The following KIAA1217 variants were observed in gnomAD, a reference collection of about 807,000 sequenced individuals.
KIAA1217 encodes the protein sickle tail protein homolog.
Under a neutral mutation model 163.9 loss-of-function variants are expected in KIAA1217, and 88 were observed. The observed-to-expected ratio is 0.54, with a 90% CI of 0.45 to 0.64. KIAA1217 has a LOEUF of 0.64. KIAA1217 is among the 30% of genes least tolerant of loss of function. KIAA1217 has a pLI of 0.00. For synonymous variants in KIAA1217, 903 were observed against 923.1 expected, an observed-to-expected ratio of 0.98 and a Z score of 0.39; for missense variants, 2,372 against 2,475.0, an observed-to-expected ratio of 0.96 and a Z score of 0.88.
intron 1 of KIAA1217, among the ~76,000 whole-genome samples, chr10:23,823,621 T>A (rs998134707): frequency 6.6e-6 from 1 of 152,164 alleles, no homozygotes; most frequent in African/African-American, 2.4e-5. Flanking sequence ...AGGGCGTGGA[T>A]ATGTTTGGCA....
At chr10:24,157,267 G>T (rs1313959065) in intron 2 of KIAA1217, among the ~76,000 whole-genome samples, 3 of 152,042 alleles carry the variant, frequency 2.0e-5, no homozygotes, top group Non-Finnish European at 4.4e-5. Context: ...AATATTTTTT[G>T]TGTGCTAATT....
intron 1 of KIAA1217, among the ~76,000 whole-genome samples, chr10:23,845,920 G>T (rs1839004640): frequency 6.6e-6 from 1 of 152,180 alleles, no homozygotes; most frequent in African/African-American, 2.4e-5. Context: ...AAGGTGTAAG[G>T]AAGGGGTCCA....
intron 3 of KIAA1217, among the ~76,000 whole-genome samples, chr10:24,432,088 A>G (rs1214936320): frequency 6.6e-6 from 1 of 151,548 alleles, no homozygotes; most frequent in African/African-American, 2.4e-5. Context: ...AGATTTCTAA[A>G]TATACCTTTC....
At chr10:23,905,003 A>G (rs957160062) in intron 1 of KIAA1217, among the ~76,000 whole-genome samples, 22 of 136,288 alleles carry the variant, frequency 1.6e-4, no homozygotes, top group Non-Finnish European at 2.8e-4. Context: ...GATTGCTGAG[A>G]GTGTGTTTGT....
chr10:24,118,225 T>C lies in KIAA1217; in HGVS notation c.-170-101401T>C, dbSNP rs138381646. On this transcript the variant is annotated intron_variant, in intron 2 of 18. Coordinates refer to the KIAA1217 transcript ENST00000376462. ...CTAGCAAAACGTCCTTACGTGCATT[T>C]CTCTGGTCCTGAGGTAAGATGTGGT... is the stretch of plus-strand genomic sequence containing the variant. Among the ~76,000 whole-genome samples, 9 of 152,016 alleles carry C rather than the reference T, an allele frequency of 5.9e-5. No homozygotes were observed. In the East Asian group the frequency reaches 1.7e-3, roughly 29 times the overall value.
intron 1 of KIAA1217, among the ~76,000 whole-genome samples, chr10:23,975,365 G>A (rs1845497271): frequency 6.6e-6 from 1 of 152,212 alleles, no homozygotes; most frequent in South Asian, 2.1e-4. Flanking sequence ...TAAAAAGCTA[G>A]TATCTGAAAT....
At chr10:24,087,876 G>C (rs1350128272) in intron 2 of KIAA1217, among the ~76,000 whole-genome samples, 1 of 152,064 alleles carries the variant, frequency 6.6e-6, no homozygotes, top group Non-Finnish European at 1.5e-5. Context: ...GAAAGAGTGT[G>C]TCGTGGATTT....
chr10:24,211,477 C>T (rs12244616), intron 1 of KIAA1217, among the ~76,000 whole-genome samples: 67,261 of 147,568 alleles, frequency 0.46, 16,776 homozygotes, highest in East Asian at 0.63. Context: ...CTCAAGCAAT[C>T]CTCTGGCCTT....
intron 2 of KIAA1217, among the ~76,000 whole-genome samples, chr10:24,059,295 G>T (rs142068383): frequency 6.6e-6 from 1 of 151,896 alleles, no homozygotes; most frequent in African/African-American, 2.4e-5. Context: ...TTTGTCGGGG[G>T]TTGTTTTATC....
chr10:24,468,255 T>G (rs988764238), intron 5 of KIAA1217, among the ~76,000 whole-genome samples: 1 of 152,206 alleles, frequency 6.6e-6, no homozygotes. Flanking sequence ...CTGTCTTTTA[T>G]GGTAGGATTC....
intron 2 of KIAA1217, among the ~76,000 whole-genome samples, chr10:24,340,942 C>A (rs1214169847): frequency 1.3e-5 from 2 of 151,868 alleles, no homozygotes; most frequent in Admixed American, 1.3e-4. Context: ...CACGTGCACG[C>A]TTGTAAATGT....
In KIAA1217 at chr10:24,059,850, C is replaced by A. The variant is rs147779892; in HGVS notation, c.-171+52476C>A. On this transcript the variant is annotated intron_variant, in intron 2 of 18. Transcript: ENST00000376462. ...AAAGTGTTGGGATTACAGGCGTGAG[C>A]CACTGCGCCTGGCCTCTATGCGAGT... Among the ~76,000 whole-genome samples the A allele has an allele frequency of 5.3e-3, 808 of 152,346 alleles. 3 individuals carry two copies. Among genetic ancestry groups the A allele is most frequent in the African/African-American group, 0.018 (739 of 41,570 alleles).
At chr10:24,262,629 A>AAAAAG (rs2075838531) in intron 2 of KIAA1217, among the ~76,000 whole-genome samples, 1 of 136,416 alleles carries the variant, frequency 7.3e-6, no homozygotes, top group Non-Finnish European at 1.6e-5. Flanking sequence ...CGTCTCAAAG[A>AAAAAG]AAAAAAAAAA....
intron 1 of KIAA1217, among the ~76,000 whole-genome samples, chr10:23,857,978 G>T (rs1261967567): frequency 6.6e-6 from 1 of 151,556 alleles, no homozygotes; most frequent in Non-Finnish European, 1.5e-5. Flanking sequence ...AGAGGGGTGG[G>T]CCAGAGACTT....
chr10:24,224,681 A>T (rs1478812640), intron 2 of KIAA1217, among the ~76,000 whole-genome samples: 1 of 152,122 alleles, frequency 6.6e-6, no homozygotes, highest in Non-Finnish European at 1.5e-5. Context: ...TAGTATCTAC[A>T]TCATGGAGCA....
At chr10:23,977,401 G>A (rs1184467976) in intron 1 of KIAA1217, among the ~76,000 whole-genome samples, 2 of 152,130 alleles carry the variant, frequency 1.3e-5, no homozygotes, top group Non-Finnish European at 2.9e-5. Flanking sequence ...GAGAGGTTAG[G>A]TGACTTGCCT....
intron 1 of KIAA1217, among the ~76,000 whole-genome samples, chr10:23,958,022 C>T (rs995724004): frequency 2.0e-5 from 3 of 152,080 alleles, no homozygotes; most frequent in Non-Finnish European, 4.4e-5. Flanking sequence ...AGAATATTTG[C>T]AGGTAACCTC....
At chr10:24,052,498 T>C (rs1292142400) in intron 2 of KIAA1217, among the ~76,000 whole-genome samples, 3 of 152,170 alleles carry the variant, frequency 2.0e-5, no homozygotes, top group Admixed American at 2.0e-4. Context: ...AGAGATTATA[T>C]AGAATCACAA....
chr10:23,895,595 A>G (rs1019340053), intron 1 of KIAA1217, among the ~76,000 whole-genome samples: 66 of 152,052 alleles, frequency 4.3e-4, no homozygotes, highest in African/African-American at 1.4e-3. Flanking sequence ...GATTCCTCAG[A>G]GATCTAGAAC....
Sources: gnomAD v4.1 joint callset for allele counts (sites outside exome capture counted in the v4.1 genomes callset) on GRCh38, gnomAD v4.1.1 for gene constraint, MANE v1.5 for transcripts, NCBI Gene and HGNC (gene_info 2026-07-23, HGNC 2026-07-21) for gene names.